Variants in DCC observed in about 807,000 individuals in gnomAD.
DCC encodes the protein netrin receptor DCC.
In DCC, 58 loss-of-function variants were observed where a neutral mutation model predicts 172.5. The observed-to-expected ratio is 0.34, with a 90% CI of 0.27 to 0.42. The LOEUF is 0.42. DCC is among the 10% of genes least tolerant of loss of function. The probability of loss-of-function intolerance (pLI) is 1.00; values close to 1 mark genes in which losing one functional copy is unlikely to be tolerated. For missense variants in DCC, 1,740 were observed against 1,791.0 expected, an observed-to-expected ratio of 0.97 and a Z score of 0.51; for synonymous variants, 709 against 644.5, an observed-to-expected ratio of 1.10 and a Z score of -1.52.
intron 2 of DCC, among the ~76,000 whole-genome samples, chr18:52,819,032 G>A (rs953645059): frequency 2.0e-5 from 3 of 152,206 alleles, no homozygotes; most frequent in African/African-American, 7.2e-5. Flanking sequence ...CATAAAACTG[G>A]AGGGGTTACA....
At chr18:52,359,796 T>C (rs938318357) in intron 1 of DCC, among the ~76,000 whole-genome samples, 1 of 152,222 alleles carries the variant, frequency 6.6e-6, no homozygotes. Context: ...CAATACTCAG[T>C]TCAAACTGCT....
At chr18:52,444,940 A>G (rs1456135925) in intron 1 of DCC, among the ~76,000 whole-genome samples, 1 of 152,208 alleles carries the variant, frequency 6.6e-6, no homozygotes, top group Non-Finnish European at 1.5e-5. Flanking sequence ...ATATAATTCA[A>G]AAATCATGTG....
rs567364967 is a variant in DCC at position 53,110,057 on chromosome 18, T to C, written c.1261+43891T>C. ...GAAGTCCTAATTTGAATGAAAACCATTTTTTCTTTAATTTCTATAATCATA... is the reference window on the plus strand; with the variant it reads ...GAAGTCCTAATTTGAATGAAAACCACTTTTTCTTTAATTTCTATAATCATA... On this transcript the variant is annotated intron_variant, in intron 7 of 28. Transcript: ENST00000442544. 1.3e-4 allele frequency among the ~76,000 whole-genome samples: 19 copies of C among 151,814 alleles called. No homozygotes were observed. In the East Asian group the frequency reaches 3.5e-3, roughly 28 times the overall value.
chr18:52,723,513 G>A (rs2036503938), intron 1 of DCC, among the ~76,000 whole-genome samples: 1 of 152,234 alleles, frequency 6.6e-6, no homozygotes, highest in South Asian at 2.1e-4. Context: ...GGCTTCAGCC[G>A]TCCCTCAGAC....
chr18:52,874,550 T>C (rs2039373281), intron 2 of DCC, among the ~76,000 whole-genome samples: 1 of 152,208 alleles, frequency 6.6e-6, no homozygotes, highest in Non-Finnish European at 1.5e-5. Context: ...AGTTTTCAGG[T>C]TTAATTTTTC....
intron 5 of DCC, among the ~76,000 whole-genome samples, chr18:52,988,366 C>T (rs375289425): frequency 6.6e-6 from 1 of 151,964 alleles, no homozygotes; most frequent in South Asian, 2.1e-4. Context: ...ACTGAAACAT[C>T]CAAATGATTG....
At chr18:52,759,665 A>T (rs1352849110) in intron 2 of DCC, among the ~76,000 whole-genome samples, 2 of 152,204 alleles carry the variant, frequency 1.3e-5, no homozygotes, top group Non-Finnish European at 2.9e-5. Flanking sequence ...CAAAAATTTA[A>T]GTTTCTTGAA....
At chr18:52,407,718 T>A (rs1009463212) in intron 1 of DCC, among the ~76,000 whole-genome samples, 1 of 152,064 alleles carries the variant, frequency 6.6e-6, no homozygotes, top group African/African-American at 2.4e-5. Flanking sequence ...AATGGTTAGG[T>A]TGGAAAGCAG....
chr18:53,167,466 G>T (rs1190910647), intron 8 of DCC, among the ~76,000 whole-genome samples: 2 of 152,170 alleles, frequency 1.3e-5, no homozygotes, highest in Non-Finnish European at 2.9e-5. Context: ...CCAGGAAGGT[G>T]AAGTGACATG....
chr18:53,035,079 C>T (rs2042074758), intron 5 of DCC, among the ~76,000 whole-genome samples: 1 of 151,834 alleles, frequency 6.6e-6, no homozygotes, highest in South Asian at 2.1e-4. Context: ...TTTGAGGATA[C>T]ATGTGATATT....
intron 11 of DCC, among the ~76,000 whole-genome samples, chr18:53,212,672 T>C (rs1432071522): frequency 1.6e-5 from 1 of 62,298 alleles, no homozygotes; most frequent in Admixed American, 1.3e-4. Flanking sequence ...TCTTGTTTTT[T>C]TTTTTTCTTT....
At position 52,998,273 on chromosome 18, in the gene DCC, C is replaced by G. The variant is rs73463136; in HGVS notation, c.986-65032C>G. Among the ~76,000 whole-genome samples the G allele has an allele frequency of 2.8e-3, 429 of 152,076 alleles. 8 individuals are homozygous for G. Among genetic ancestry groups the G allele is most frequent in the African/African-American group, 1.0e-2 (414 of 41,516 alleles). On this transcript the variant is annotated intron_variant, in intron 5 of 28. Coordinates refer to ENST00000442544, the MANE Select transcript of DCC (RefSeq NM_005215.4). ...TAGTGAGATCCATACAGAAGACTTT[C>G]TCTCCCTGATCTCTCCATCCTCATC...
At chr18:53,473,671 G>A (rs868083713) in intron 25 of DCC, among the ~76,000 whole-genome samples, 1 of 152,136 alleles carries the variant, frequency 6.6e-6, no homozygotes, top group Non-Finnish European at 1.5e-5. Context: ...TTACACATGG[G>A]AAACAGCGAC....
At chr18:53,085,049 C>A (rs1412327410) in intron 7 of DCC, among the ~76,000 whole-genome samples, 1 of 152,054 alleles carries the variant, frequency 6.6e-6, no homozygotes, top group East Asian at 1.9e-4. Flanking sequence ...GAATGCCCAC[C>A]AAACAATTTA....
intron 1 of DCC, among the ~76,000 whole-genome samples, chr18:52,491,911 G>C (rs1024014978): frequency 6.6e-6 from 1 of 151,978 alleles, no homozygotes; most frequent in African/African-American, 2.4e-5. Context: ...GGAGCGCAGA[G>C]GAGTGGTCTT....
At chr18:53,102,428 G>T (rs2043187485) in intron 7 of DCC, among the ~76,000 whole-genome samples, 3 of 151,966 alleles carry the variant, frequency 2.0e-5, no homozygotes, top group South Asian at 2.1e-4. Flanking sequence ...TCTAGATTTT[G>T]CAATTTTGTG....
chr18:53,391,582 C>T (rs1908545973), intron 16 of DCC, 73 bp from the exon 17 acceptor site: 10 of 968,714 alleles, frequency 1.0e-5, no homozygotes, highest in Non-Finnish European at 1.5e-5. Context: ...TGTGTTACCA[C>T]TGATATTTAT....
chr18:53,404,941 T>C (rs1692421354), intron 19 of DCC, among the ~76,000 whole-genome samples: 1 of 151,992 alleles, frequency 6.6e-6, no homozygotes, highest in Admixed American at 6.6e-5. Flanking sequence ...CTTTTGCCTT[T>C]AAAAGCCTGG....
chr18:52,733,825 A>T (rs1478921670), intron 1 of DCC, among the ~76,000 whole-genome samples: 1 of 152,152 alleles, frequency 6.6e-6, no homozygotes, highest in African/African-American at 2.4e-5. Flanking sequence ...CACCGAAAGA[A>T]GTTTCCATTA....
Sources: gnomAD v4.1 joint callset for allele counts (sites outside exome capture counted in the v4.1 genomes callset) on GRCh38, gnomAD v4.1.1 for gene constraint, MANE v1.5 for transcripts, NCBI Gene and HGNC (gene_info 2026-07-23, HGNC 2026-07-21) for gene names.